The following IGSF10 variants were observed in gnomAD, a reference collection of about 807,000 sequenced individuals.
The protein encoded by IGSF10 is immunoglobulin superfamily member 10.
Under a neutral mutation model 128.2 loss-of-function variants are expected in IGSF10, and 126 were observed. That is an observed-to-expected ratio of 0.98 (90% CI 0.85 to 1.14). The LOEUF is 1.14. IGSF10 is among the 50% of genes most tolerant of loss of function. IGSF10 has a pLI of 0.00. For missense variants in IGSF10, 3,295 were observed against 3,149.8 expected (o/e 1.05, Z -1.10); for synonymous variants, 1,185 against 1,146.2 (o/e 1.03, Z -0.68).
the IGSF10 span, among the ~76,000 whole-genome samples, chr3:151,501,668 G>T: frequency 6.6e-6 from 1 of 152,022 alleles, no homozygotes; most frequent in Non-Finnish European, 1.5e-5. Flanking sequence ...CAGAATTTTA[G>T]AGATTTTGCA....
chr3:151,574,803 G>A, the IGSF10 span, among the ~76,000 whole-genome samples: 2 of 152,106 alleles, frequency 1.3e-5, no homozygotes, highest in South Asian at 4.1e-4. Context: ...AAAGGTGCTT[G>A]GTTTTTAGAA....
upstream of IGSF10, among the ~76,000 whole-genome samples, chr3:151,463,446 A>G (rs1041938909): frequency 1.3e-5 from 2 of 151,592 alleles, no homozygotes; most frequent in African/African-American, 2.4e-5. Context: ...AGAATGCTAA[A>G]TGATTCAGAG....
At chr3:151,483,607 G>A in the IGSF10 span, among the ~76,000 whole-genome samples, 2 of 152,104 alleles carry the variant, frequency 1.3e-5, no homozygotes, top group African/African-American at 4.8e-5. Flanking sequence ...TTCTAACTGA[G>A]GTACCTAGGT....
the IGSF10 span, among the ~76,000 whole-genome samples, chr3:151,506,943 A>C: frequency 2.8e-4 from 43 of 152,346 alleles, no homozygotes; most frequent in Admixed American, 2.7e-3. Context: ...AAGCTATTAT[A>C]GTTTTTAAAT....
the IGSF10 span, among the ~76,000 whole-genome samples, chr3:151,487,190 A>G: frequency 6.6e-6 from 1 of 152,196 alleles, no homozygotes; most frequent in Admixed American, 6.5e-5. Flanking sequence ...CCAAAACACA[A>G]TACTATAAAC....
At chr3:151,528,442 T>TTGCTG in the IGSF10 span, among the ~76,000 whole-genome samples, 1 of 152,218 alleles carries the variant, frequency 6.6e-6, no homozygotes, top group Non-Finnish European at 1.5e-5. Context: ...AGCTCCGGTC[T>TTGCTG]GTAGCTCCCA....
chr3:151,571,024 T>G, the IGSF10 span, among the ~76,000 whole-genome samples: 1 of 152,226 alleles, frequency 6.6e-6, no homozygotes, highest in Non-Finnish European at 1.5e-5. Context: ...TTGTCAGGTT[T>G]GTCAATGATC....
the IGSF10 span, among the ~76,000 whole-genome samples, chr3:151,515,645 G>T: frequency 6.6e-6 from 1 of 151,052 alleles, no homozygotes; most frequent in East Asian, 1.9e-4. Context: ...GCTGCATTCT[G>T]TGACTCATCA....
rs143228666 is a variant in IGSF10, at chr3:151,437,016, T to C, written c.7545A>G (p.Thr2515=). The change falls in exon 8 of 8, where the codon ACA becomes ACG. Residue 2515 remains threonine (T), a synonymous_variant. Coordinates refer to ENST00000282466, the MANE Select transcript of IGSF10 (RefSeq NM_178822.5). The part of the protein sequence containing the change: ...ICKAQNSVGH[T]LITVPVMIVA... Reference sequence around the variant, plus strand: ...CAATCATTACTGGAACAGTAATCAGTGTATGACCAACACTATTTTGAGCCT... The same window carrying C: ...CAATCATTACTGGAACAGTAATCAGCGTATGACCAACACTATTTTGAGCCT... 5 of 1,614,084 alleles carry C rather than the reference T, an allele frequency of 3.1e-6. No individual in the cohort carries two copies. Among genetic ancestry groups the C allele is most frequent in the African/African-American group, 2.7e-5 (2 of 74,922 alleles).
the IGSF10 span, among the ~76,000 whole-genome samples, chr3:151,485,319 T>C: frequency 0.83 from 125,470 of 152,012 alleles, 51,866 homozygotes; most frequent in Middle Eastern, 0.94. Context: ...ACCAAATCTA[T>C]GTTTGATTGG....
the IGSF10 span, among the ~76,000 whole-genome samples, chr3:151,492,745 G>GCAGA: frequency 6.6e-6 from 1 of 151,204 alleles, no homozygotes; most frequent in Non-Finnish European, 1.5e-5. Context: ...AAAAATTAAA[G>GCAGA]CAAACAAACA....
At chr3:151,541,171 T>G in the IGSF10 span, among the ~76,000 whole-genome samples, 10 of 152,216 alleles carry the variant, frequency 6.6e-5, no homozygotes, top group Admixed American at 6.5e-4. Flanking sequence ...TGATTAGCAG[T>G]AAGATTCATA....
chr3:151,533,047 TGA>T, the IGSF10 span, among the ~76,000 whole-genome samples: 73,261 of 151,774 alleles, frequency 0.48, 18,280 homozygotes, highest in African/African-American at 0.61. Flanking sequence ...AAATCATAAA[TGA>T]ACTCCCATTC....
the IGSF10 span, among the ~76,000 whole-genome samples, chr3:151,484,140 C>T: frequency 6.6e-6 from 1 of 152,330 alleles, no homozygotes; most frequent in African/African-American, 2.4e-5. Context: ...ATTGCTGAGG[C>T]TTGATAGGCG....
At chr3:151,551,830 A>C in the IGSF10 span, among the ~76,000 whole-genome samples, 2 of 152,166 alleles carry the variant, frequency 1.3e-5, no homozygotes, top group Non-Finnish European at 2.9e-5. Context: ...TTAAGTTACA[A>C]AATCTAGAGC....
chr3:151,497,990 A>T, the IGSF10 span, among the ~76,000 whole-genome samples: 2 of 152,214 alleles, frequency 1.3e-5, no homozygotes, highest in African/African-American at 2.4e-5. Flanking sequence ...TTATTGGTGT[A>T]TAAGAATGCT....
chr3:151,508,528 T>TCCCA, the IGSF10 span, among the ~76,000 whole-genome samples: 3 of 152,170 alleles, frequency 2.0e-5, no homozygotes, highest in Non-Finnish European at 4.4e-5. Context: ...GAGTCTCCTT[T>TCCCA]ATCAAAGAGT....
Position 151,445,808 on chromosome 3 carries a change from A to G in IGSF10, c.4173T>C (p.Ser1391=). Residue 1391 remains serine (S), a synonymous_variant, in exon 6 of 8, where the codon TCT becomes TCC. Transcript: ENST00000282466. ...TTTCTGGTGGGGAATGAGTGAATGCAGAGACACTGGGCTTGACTGAAGTTT... is the reference window on the plus strand; with the variant it reads ...TTTCTGGTGGGGAATGAGTGAATGCGGAGACACTGGGCTTGACTGAAGTTT... ...TAETSVKPSV[S]AFTHSPPENT... The G allele has an allele frequency of 1.9e-6, 3 of 1,614,230 alleles. No homozygotes were observed. The highest frequency in any genetic ancestry group is 2.5e-6 in the Non-Finnish European group (3 of 1,180,032).
the IGSF10 span, among the ~76,000 whole-genome samples, chr3:151,488,521 T>C: frequency 6.6e-6 from 1 of 152,180 alleles, no homozygotes; most frequent in East Asian, 1.9e-4. Context: ...GCCAAGATAA[T>C]CCTAAGCAAA....
Sources: gnomAD v4.1 joint callset for allele counts (sites outside exome capture counted in the v4.1 genomes callset) on GRCh38, gnomAD v4.1.1 for gene constraint, MANE v1.5 for transcripts, NCBI Gene and HGNC (gene_info 2026-07-23, HGNC 2026-07-21) for gene names.